SV2C: variants seen among roughly 807,000 people sequenced by gnomAD.
The protein encoded by SV2C is synaptic vesicle glycoprotein 2C.
A neutral mutation model predicts 79.7 loss-of-function variants in SV2C; 49 were observed. The observed-to-expected ratio is 0.61, with a 90% CI of 0.49 to 0.78. The LOEUF (loss-of-function observed/expected upper bound fraction) is 0.78. Among genes scored for constraint, SV2C ranks in the 30% least tolerant of loss-of-function variants. The pLI is 0.00. For synonymous variants in SV2C, 334 were observed against 333.2 expected, an observed-to-expected ratio of 1.00 and a Z score of -0.03; for missense variants, 833 against 912.9, an observed-to-expected ratio of 0.91 and a Z score of 1.13.
chr5:76,284,286 A>G (rs1747279726), intron 4 of SV2C, among the ~76,000 whole-genome samples: 1 of 151,726 alleles, frequency 6.6e-6, no homozygotes, highest in Admixed American at 6.6e-5. Context: ...AAAAATTTAT[A>G]TTTTTATAAT....
chr5:76,285,339 G>T (rs761074329), intron 5 of SV2C, 44 bp downstream of exon 5: 12 of 1,603,686 alleles, frequency 7.5e-6, no homozygotes, highest in African/African-American at 5.4e-5. Context: ...CACCTCTATT[G>T]GAAAAAGTTC....
chr5:76,198,083 C>T (rs1044828495), intron 3 of SV2C, among the ~76,000 whole-genome samples: 4 of 152,166 alleles, frequency 2.6e-5, no homozygotes, highest in African/African-American at 7.2e-5. Context: ...GGATGGTGCC[C>T]ACCCACCCCT....
downstream of SV2C, among the ~76,000 whole-genome samples, chr5:76,335,651 T>C (rs1304996006): frequency 6.6e-6 from 1 of 152,098 alleles, no homozygotes; most frequent in African/African-American, 2.4e-5. Context: ...TTCAAGCATC[T>C]GTTTAACAAA....
chr5:76,316,231 T>A (rs1256984628), intron 12 of SV2C, among the ~76,000 whole-genome samples: 1 of 152,140 alleles, frequency 6.6e-6, no homozygotes, highest in Non-Finnish European at 1.5e-5. Flanking sequence ...GTCAGAAAGG[T>A]GGAGTGGATG....
At chr5:75,933,001 T>A in the SV2C span, among the ~76,000 whole-genome samples, 1 of 152,196 alleles carries the variant, frequency 6.6e-6, no homozygotes, top group East Asian at 1.9e-4. Context: ...CTGCTGCCCC[T>A]GGCACATGGG....
At chr5:76,061,763 T>C in the SV2C span, among the ~76,000 whole-genome samples, 1 of 152,218 alleles carries the variant, frequency 6.6e-6, no homozygotes, top group East Asian at 1.9e-4. Context: ...TAGAGAGGTA[T>C]AGGAACGTGC....
At chr5:76,145,200 T>C (rs548005713) in intron 2 of SV2C, among the ~76,000 whole-genome samples, 24 of 152,296 alleles carry the variant, frequency 1.6e-4, no homozygotes, top group African/African-American at 5.1e-4. Context: ...TGCTTAATGT[T>C]TGGTGTGTAC....
chr5:75,882,427 A>G, the SV2C span, among the ~76,000 whole-genome samples: 2 of 150,808 alleles, frequency 1.3e-5, no homozygotes, highest in Admixed American at 1.3e-4. Context: ...ACCAAAAAAG[A>G]GCCTGCATCG....
intron 2 of SV2C, among the ~76,000 whole-genome samples, chr5:76,162,745 A>AT (rs1742932355): frequency 6.6e-6 from 1 of 152,192 alleles, no homozygotes; most frequent in Non-Finnish European, 1.5e-5. Flanking sequence ...GGAATGTTTC[A>AT]TGGGACATGA....
chr5:75,895,327 C>G, the SV2C span, among the ~76,000 whole-genome samples: 1 of 152,032 alleles, frequency 6.6e-6, no homozygotes, highest in African/African-American at 2.4e-5. Flanking sequence ...CCTGAGGAAG[C>G]TCAGACATTA....
At chr5:76,089,799 C>T (rs1019462805) in intron 1 of SV2C, among the ~76,000 whole-genome samples, 1 of 152,066 alleles carries the variant, frequency 6.6e-6, no homozygotes, top group African/African-American at 2.4e-5. Flanking sequence ...GCTTTTTTAA[C>T]CATGAACAAG....
At chr5:75,912,579 A>G in the SV2C span, among the ~76,000 whole-genome samples, 3 of 152,168 alleles carry the variant, frequency 2.0e-5, no homozygotes, top group African/African-American at 7.2e-5. Flanking sequence ...ATATGCAACT[A>G]TTGGAGCAAG....
At chr5:76,061,653 C>T in the SV2C span, among the ~76,000 whole-genome samples, 5 of 151,974 alleles carry the variant, frequency 3.3e-5, no homozygotes, top group African/African-American at 4.8e-5. Flanking sequence ...AATCAGACCT[C>T]GTGTTTGTGC....
At chr5:76,020,907 TCTCTGAATGATTTTACTGAAG>T in the SV2C span, among the ~76,000 whole-genome samples, 1 of 152,278 alleles carries the variant, frequency 6.6e-6, no homozygotes, top group East Asian at 1.9e-4. Flanking sequence ...AAAGAGATGA[TCTCTGAATGATTTTACTGAAG>T]TCACCAAACA....
At chr5:76,289,552 CTTTCT>C (rs960982133) in intron 6 of SV2C, among the ~76,000 whole-genome samples, 1 of 152,176 alleles carries the variant, frequency 6.6e-6, no homozygotes, top group Non-Finnish European at 1.5e-5. Context: ...AAACTATATT[CTTTCT>C]TTTATCTTTG....
chr5:75,871,918 A>G, the SV2C span, among the ~76,000 whole-genome samples: 1 of 147,726 alleles, frequency 6.8e-6, no homozygotes, highest in African/African-American at 2.5e-5. Context: ...CATGTGCACA[A>G]TGTGCAGGTT....
the SV2C span, among the ~76,000 whole-genome samples, chr5:75,879,171 G>A: frequency 6.6e-6 from 1 of 152,124 alleles, no homozygotes; most frequent in Non-Finnish European, 1.5e-5. Context: ...ATTTCAACAT[G>A]AGATTTGGAG....
the SV2C span, among the ~76,000 whole-genome samples, chr5:75,860,908 T>G: frequency 6.6e-6 from 1 of 152,214 alleles, no homozygotes; most frequent in East Asian, 1.9e-4. Context: ...ACCGACCCCC[T>G]ACCTTTCACT....
chr5:76,125,330 T>C (rs1748669519), intron 1 of SV2C, among the ~76,000 whole-genome samples: 1 of 152,208 alleles, frequency 6.6e-6, no homozygotes, highest in Non-Finnish European at 1.5e-5. Context: ...AATATTATTT[T>C]AATGTAGATT....
Sources: allele counts gnomAD v4.1 joint callset (sites outside exome capture counted in the v4.1 genomes callset), GRCh38; gene constraint gnomAD v4.1.1; transcripts MANE v1.5; gene names NCBI Gene and HGNC (gene_info 2026-07-23, HGNC 2026-07-21).